The following PLEKHG1 variants were observed in gnomAD, a reference collection of about 807,000 sequenced individuals.
PLEKHG1 encodes pleckstrin homology domain-containing family G member 1.
In PLEKHG1, 44 loss-of-function variants were observed where a neutral mutation model predicts 100.8. The ratio of observed to expected loss-of-function variants is 0.44; its 90% CI spans 0.34 to 0.56. PLEKHG1 has a LOEUF of 0.56. PLEKHG1 is among the 20% of genes least tolerant of loss of function. PLEKHG1 has a pLI of 0.01. For missense variants in PLEKHG1, 1,545 were observed against 1,720.9 expected (o/e 0.90, Z 1.81); for synonymous variants, 640 against 662.5 (o/e 0.97, Z 0.52).
At chr6:150,810,125 C>T (rs1403501440) in intron 10 of PLEKHG1, among the ~76,000 whole-genome samples, 2 of 151,836 alleles carry the variant, frequency 1.3e-5, no homozygotes, top group African/African-American at 4.8e-5. Context: ...GTGATACCCC[C>T]ATCTCTACAA....
chr6:150,632,246 C>T (rs528202160), intron 1 of PLEKHG1, among the ~76,000 whole-genome samples: 16 of 152,330 alleles, frequency 1.1e-4, no homozygotes, highest in East Asian at 1.9e-4. Flanking sequence ...GTATGGGCCA[C>T]GATTGTCTCT....
At chr6:150,757,365 A>G (rs140015435) in intron 2 of PLEKHG1, among the ~76,000 whole-genome samples, 2 of 152,362 alleles carry the variant, frequency 1.3e-5, no homozygotes, top group East Asian at 3.9e-4. Flanking sequence ...GTTCACTAGA[A>G]TTAAGAGTCC....
intron 2 of PLEKHG1, among the ~76,000 whole-genome samples, chr6:150,638,345 T>A (rs1189019122): frequency 1.3e-5 from 2 of 152,072 alleles, no homozygotes; most frequent in African/African-American, 4.8e-5. Flanking sequence ...TTTCCTTCCA[T>A]CTCCCAAGTC....
rs183690996 is a variant in PLEKHG1 at position 150,827,724 on chromosome 6, C to T, written c.1471-2858C>T. ...ATCTTACGCAAAAAGGGTTTCTTAC[C>T]CGCCAAGGAAAGAATTGGAAGAATT... On this transcript the variant is annotated intron_variant, in intron 14 of 15. Transcript: ENST00000358517. 5.9e-4 allele frequency: 771 copies of T among 1,299,754 alleles called. 5 individuals are homozygous for T. The African/African-American group carries it at 9.7e-3, about 16-fold the overall frequency. 80.5% of individuals were successfully genotyped at this position (1,299,754 alleles called of 1,614,324 possible).
intron 6 of PLEKHG1, among the ~76,000 whole-genome samples, chr6:150,802,376 A>C (rs1217162031): frequency 2.6e-5 from 4 of 152,174 alleles, no homozygotes; most frequent in Admixed American, 2.6e-4. Flanking sequence ...CTGTTAATAT[A>C]ATGTCTAAGA....
At chr6:150,634,007 C>T (rs1205605979) in intron 1 of PLEKHG1, among the ~76,000 whole-genome samples, 4 of 147,098 alleles carry the variant, frequency 2.7e-5, no homozygotes, top group Non-Finnish European at 6.1e-5. Context: ...TTTGGGAGGC[C>T]GAGGCAGGCG....
At chr6:150,697,947 G>GT (rs66537666) in intron 3 of PLEKHG1, among the ~76,000 whole-genome samples, 10,596 of 150,930 alleles carry the variant, frequency 0.07, 453 homozygotes, top group South Asian at 0.16. Context: ...TTGTTGTTGG[G>GT]TTTTTTTTTG....
intron 2 of PLEKHG1, among the ~76,000 whole-genome samples, chr6:150,642,751 G>C (rs1778324240): frequency 6.6e-6 from 1 of 152,180 alleles, no homozygotes; most frequent in Non-Finnish European, 1.5e-5. Flanking sequence ...GAGTAGCACA[G>C]GTTGCTCAAC....
At chr6:150,639,754 T>C (rs547087752) in intron 2 of PLEKHG1, among the ~76,000 whole-genome samples, 6 of 152,136 alleles carry the variant, frequency 3.9e-5, no homozygotes, top group African/African-American at 1.2e-4. Flanking sequence ...AGGGTGCAAG[T>C]AGACTGGGAG....
chr6:150,750,621 A>C (rs2128628625), intron 2 of PLEKHG1, among the ~76,000 whole-genome samples: 1 of 151,666 alleles, frequency 6.6e-6, no homozygotes, highest in East Asian at 1.9e-4. Flanking sequence ...TCTACTAAAA[A>C]TACAAAAAAA....
At chr6:150,645,934 CA>C (rs1421942419) in intron 2 of PLEKHG1, among the ~76,000 whole-genome samples, 9 of 152,204 alleles carry the variant, frequency 5.9e-5, no homozygotes, top group Non-Finnish European at 1.5e-5. Context: ...AAATGTACAA[CA>C]TTGCTTTTAG....
At chr6:150,782,172 C>T (rs1223410836) in intron 3 of PLEKHG1, among the ~76,000 whole-genome samples, 1 of 151,986 alleles carries the variant, frequency 6.6e-6, no homozygotes, top group African/African-American at 2.4e-5. Flanking sequence ...AATCCCAGCA[C>T]TTTGGGAGGC....
At chr6:150,662,219 C>T (rs567182978) in intron 3 of PLEKHG1, among the ~76,000 whole-genome samples, 2 of 152,318 alleles carry the variant, frequency 1.3e-5, no homozygotes, top group African/African-American at 4.8e-5. Flanking sequence ...CTTCTGGTGT[C>T]TTCAACACAT....
chr6:150,649,795 A>G (rs1179753178), intron 2 of PLEKHG1, among the ~76,000 whole-genome samples: 1 of 152,130 alleles, frequency 6.6e-6, no homozygotes, highest in African/African-American at 2.4e-5. Flanking sequence ...GCGGATCACA[A>G]GGTCAGGAGA....
chr6:150,745,186 A>G (rs1386005950), intron 2 of PLEKHG1, among the ~76,000 whole-genome samples: 1 of 152,240 alleles, frequency 6.6e-6, no homozygotes, highest in Non-Finnish European at 1.5e-5. Context: ...CTTCTAGGCT[A>G]CAAACCTATA....
intron 3 of PLEKHG1, among the ~76,000 whole-genome samples, chr6:150,699,934 T>C (rs979425708): frequency 1.3e-5 from 2 of 152,330 alleles, no homozygotes; most frequent in Non-Finnish European, 2.9e-5. Context: ...TGCTAACTCC[T>C]GCTATGTTTA....
chr6:150,733,645 G>A (rs766739764), exon 2 of PLEKHG1: 4 of 1,613,882 alleles, frequency 2.5e-6, no homozygotes, highest in African/African-American at 1.3e-5. Context: ...ATCCCAAGAC[G>A]ACAGCCAGGC....
At chr6:150,803,526 C>T (rs944171691) in intron 6 of PLEKHG1, among the ~76,000 whole-genome samples, 1 of 152,154 alleles carries the variant, frequency 6.6e-6, no homozygotes, top group African/African-American at 2.4e-5. Flanking sequence ...CTTATGTGCT[C>T]AAAAGAACTA....
chr6:150,804,892 C>A, intron 7 of PLEKHG1, 151 bp downstream of exon 8: 1 of 629,876 alleles, frequency 1.6e-6, no homozygotes, highest in Non-Finnish European at 2.7e-6. Flanking sequence ...ATCAGTAATA[C>A]CCATCATTGT....
Sources: gnomAD v4.1 joint callset for allele counts (sites outside exome capture counted in the v4.1 genomes callset) on GRCh38, gnomAD v4.1.1 for gene constraint, MANE v1.5 for transcripts, NCBI Gene and HGNC (gene_info 2026-07-23, HGNC 2026-07-21) for gene names.